Variants in EMSY observed in about 807,000 individuals in gnomAD.
EMSY encodes the protein BRCA2-interacting transcriptional repressor EMSY.
A neutral mutation model predicts 134.6 loss-of-function variants in EMSY; 26 were observed. The ratio of observed to expected loss-of-function variants is 0.19; its 90% CI spans 0.14 to 0.27. The LOEUF (loss-of-function observed/expected upper bound fraction) is 0.27. Among genes scored for constraint, EMSY ranks in the 10% least tolerant of loss-of-function variants. The probability of loss-of-function intolerance (pLI) is 1.00; values close to 1 mark genes in which losing one functional copy is unlikely to be tolerated. For missense variants in EMSY, 1,305 were observed against 1,611.4 expected (o/e 0.81, Z 3.26); for synonymous variants, 579 against 577.8 (o/e 1.00, Z -0.03).
At chr11:76,474,115 C>A (rs1410043278) in intron 8 of EMSY, among the ~76,000 whole-genome samples, 1,005 of 128,156 alleles carry the variant, frequency 7.8e-3, no homozygotes, top group Middle Eastern at 0.016. Flanking sequence ...GACCCTGTCT[C>A]AAAAAAAAAA....
chr11:76,546,376 C>G (rs1951652625), intron 20 of EMSY, 79 bp downstream of exon 21: 4 of 1,492,766 alleles, frequency 2.7e-6, no homozygotes, highest in Non-Finnish European at 3.6e-6. Context: ...TGACTTGTCA[C>G]AGGAAGAATC....
At chr11:76,540,077 G>A (rs1481428993) in intron 17 of EMSY, among the ~76,000 whole-genome samples, 4 of 152,076 alleles carry the variant, frequency 2.6e-5, no homozygotes, top group African/African-American at 9.7e-5. Flanking sequence ...GAGAATTACC[G>A]TGAAGTAATT....
At chr11:76,530,358 A>C (rs986769434) in intron 14 of EMSY, among the ~76,000 whole-genome samples, 10 of 151,918 alleles carry the variant, frequency 6.6e-5, no homozygotes, top group African/African-American at 2.4e-4. Flanking sequence ...ACGGGGTTTC[A>C]TCATGTTGGC....
At chr11:76,479,867 A>G (rs1473269430) in intron 8 of EMSY, among the ~76,000 whole-genome samples, 4 of 152,248 alleles carry the variant, frequency 2.6e-5, no homozygotes, top group African/African-American at 4.8e-5. Context: ...AAGTGGATCC[A>G]TCAGCATTGG....
chr11:76,533,778 C>T (rs1309213997), intron 14 of EMSY, among the ~76,000 whole-genome samples: 1 of 152,118 alleles, frequency 6.6e-6, no homozygotes, highest in African/African-American at 2.4e-5. Flanking sequence ...CTGCCATCTG[C>T]AAGAGATGCA....
chr11:76,500,759 A>G (rs966533437), intron 9 of EMSY, among the ~76,000 whole-genome samples: 5 of 152,244 alleles, frequency 3.3e-5, no homozygotes, highest in Admixed American at 6.5e-5. Flanking sequence ...CAGTGTCTCC[A>G]TGAGGAATAA....
At chr11:76,531,014 C>T (rs1951021932) in intron 14 of EMSY, among the ~76,000 whole-genome samples, 2 of 152,110 alleles carry the variant, frequency 1.3e-5, no homozygotes, top group Admixed American at 6.5e-5. Flanking sequence ...CCTAGATTCA[C>T]TACTTATTTA....
intron 12 of EMSY, among the ~76,000 whole-genome samples, chr11:76,525,191 A>G (rs751764112): frequency 1.3e-5 from 2 of 152,248 alleles, no homozygotes; most frequent in Non-Finnish European, 2.9e-5. Flanking sequence ...TTTAATAGAT[A>G]GGTGTGGTCA....
chr11:76,548,221 G>T (rs998699701), intron 20 of EMSY, among the ~76,000 whole-genome samples: 7 of 152,126 alleles, frequency 4.6e-5, no homozygotes, highest in Non-Finnish European at 7.4e-5. Context: ...GGTCTTATTA[G>T]TTATGTTTAG....
At chr11:76,457,144 A>G (rs1189521202) in intron 4 of EMSY, among the ~76,000 whole-genome samples, 2 of 152,020 alleles carry the variant, frequency 1.3e-5, no homozygotes, top group Non-Finnish European at 2.9e-5. Flanking sequence ...CATCATTACT[A>G]TCATTATTAG....
intron 9 of EMSY, among the ~76,000 whole-genome samples, chr11:76,502,539 A>C (rs571458444): frequency 2.6e-5 from 4 of 151,136 alleles, no homozygotes; most frequent in South Asian, 2.1e-4. Flanking sequence ...TTAAAAAAAA[A>C]CAAAAAACAA....
At chr11:76,550,138 C>T (rs750450131) in exon 21 of EMSY, 15 of 1,611,484 alleles carry the variant, frequency 9.3e-6, no homozygotes, top group South Asian at 8.8e-5. Context: ...CTCTGCTGAA[C>T]GGTCCTAGTG....
At chr11:76,469,932 A>G (rs1948507976) in intron 7 of EMSY, among the ~76,000 whole-genome samples, 1 of 152,196 alleles carries the variant, frequency 6.6e-6, no homozygotes, top group Non-Finnish European at 1.5e-5. Context: ...GGTTGACTCT[A>G]TATAGGTGTT....
At chr11:76,535,532 A>G (rs1951191181) in intron 14 of EMSY, among the ~76,000 whole-genome samples, 1 of 152,216 alleles carries the variant, frequency 6.6e-6, no homozygotes. Context: ...TATTTATAAT[A>G]GCAATTATCA....
At chr11:76,494,630 C>T (rs1949552698) in intron 8 of EMSY, among the ~76,000 whole-genome samples, 1 of 151,368 alleles carries the variant, frequency 6.6e-6, no homozygotes, top group South Asian at 2.1e-4. Flanking sequence ...TGCCTGCCTG[C>T]CTTCCTCTCC....
At chr11:76,513,252 T>C in intron 9 of EMSY, 134 bp from the exon 11 acceptor site, 1 of 630,500 alleles carries the variant, frequency 1.6e-6, no homozygotes, top group Non-Finnish European at 2.4e-6. Flanking sequence ...AGTTTAGAGT[T>C]TCATCAGTAT....
intron 8 of EMSY, among the ~76,000 whole-genome samples, chr11:76,476,590 A>ATAT (rs1401325569): frequency 6.6e-6 from 1 of 152,192 alleles, no homozygotes; most frequent in Non-Finnish European, 1.5e-5. Context: ...GTCTATCAAT[A>ATAT]TATTGCAGAT....
chr11:76,460,043 A>G (rs1180562955), exon 6 of EMSY: 1 of 1,614,178 alleles, frequency 6.2e-7, no homozygotes, highest in South Asian at 1.1e-5. Flanking sequence ...TCCTGCCTCC[A>G]ATGTAGTTGT....
intron 14 of EMSY, among the ~76,000 whole-genome samples, chr11:76,530,155 GTT>G (rs61227279): frequency 1.0e-4 from 12 of 114,328 alleles, no homozygotes; most frequent in Non-Finnish European, 1.0e-4. Flanking sequence ...AATCTTTAGG[GTT>G]TTTTTTTTTT....
Sources: allele counts gnomAD v4.1 joint callset (sites outside exome capture counted in the v4.1 genomes callset), GRCh38; gene constraint gnomAD v4.1.1; transcripts MANE v1.5; gene names NCBI Gene and HGNC (gene_info 2026-07-23, HGNC 2026-07-21).